Variants in CLN6 observed in about 807,000 individuals in gnomAD.
CLN6 encodes ceroid-lipofuscinosis neuronal protein 6.
In CLN6, 22 loss-of-function variants were observed where a neutral mutation model predicts 33.3. The observed-to-expected ratio is 0.66, with a 90% CI of 0.47 to 0.94. The LOEUF is 0.94. Ranked by LOEUF, CLN6 falls within the 40% of genes least tolerant of loss-of-function variation. The probability of loss-of-function intolerance (pLI) is 0.00; values close to 1 mark genes in which losing one functional copy is unlikely to be tolerated. For synonymous variants in CLN6, 201 were observed against 174.6 expected (o/e 1.15, Z -1.19); for missense variants, 387 against 417.1 (o/e 0.93, Z 0.63).
rs879690049 is a variant in CLN6 at position 68,223,130 on chromosome 15, GA to G, written c.84-4481del. 4.4e-3 allele frequency among the ~76,000 whole-genome samples: 629 copies of G among 143,196 alleles called. 3 individuals carry two copies. The highest frequency in any genetic ancestry group is 0.013 in the East Asian group (66 of 4,942). 93.9% of individuals were successfully genotyped at this position (143,196 alleles called of 152,430 possible). ...CACCCAAGAATGATCAATAAATACT[GA>G]AAAAAAAAAAGAAAAGGATCAGCGT... is the stretch of plus-strand genomic sequence containing the variant. On this transcript the variant is annotated intron_variant, in intron 1 of 6. Transcript: ENST00000249806.
upstream of CLN6, among the ~76,000 whole-genome samples, chr15:68,233,780 C>T (rs1892189798): frequency 6.6e-6 from 1 of 152,210 alleles, no homozygotes; most frequent in Non-Finnish European, 1.5e-5. The surrounding 1 kb of genome is among the most constrained non-coding windows in gnomAD (Gnocchi z 4.3). Flanking sequence ...TAGGGGATCT[C>T]TAAGTGTGGG....
upstream of CLN6, among the ~76,000 whole-genome samples, chr15:68,233,388 C>T (rs889286570): frequency 5.9e-5 from 9 of 152,128 alleles, no homozygotes; most frequent in Non-Finnish European, 1.2e-4. The surrounding 1 kb of genome is among the most constrained non-coding windows in gnomAD (Gnocchi z 4.3). Context: ...AAGGCCGTGG[C>T]CAAGTCACCT....
In CLN6 at chr15:68,241,151, C is replaced by A. The variant is rs1892277187; in HGVS notation, c.179+15539G>T. Reference sequence around the variant, plus strand: ...AAATTTATTAGAAAGGGAAACATTTCTAAAAACATATAACTTATCAAAGCT... The same window carrying A: ...AAATTTATTAGAAAGGGAAACATTTATAAAAACATATAACTTATCAAAGCT... On this transcript the variant is annotated intron_variant, in intron 1 of 6. Transcript: ENST00000538696. The surrounding 1 kb of genome is among the most constrained non-coding windows in gnomAD (Gnocchi z 4.2). Among the ~76,000 whole-genome samples the A allele has an allele frequency of 6.6e-6, 1 of 152,162 alleles. No homozygotes were observed. The highest frequency in any genetic ancestry group is 2.4e-5 in the African/African-American group (1 of 41,444).
At chr15:68,229,972 G>A (rs896307318), upstream of CLN6, among the ~76,000 whole-genome samples, 1 of 152,206 alleles carries the variant, frequency 6.6e-6, no homozygotes, top group African/African-American at 2.4e-5. Context: ...AGGCCTGGGT[G>A]TTGGGCTGGG....
upstream of CLN6, among the ~76,000 whole-genome samples, chr15:68,231,679 T>C (rs2093268900): frequency 6.6e-6 from 1 of 152,256 alleles, no homozygotes; most frequent in Non-Finnish European, 1.5e-5. Context: ...AGGGAGCCTC[T>C]CTAGCTCATT....
upstream of CLN6, among the ~76,000 whole-genome samples, chr15:68,230,146 A>G (rs1167415269): frequency 6.6e-6 from 1 of 152,028 alleles, no homozygotes; most frequent in Non-Finnish European, 1.5e-5. This position sits in a 1 kb window ranked among gnomAD's most constrained non-coding sequence, Gnocchi z 4.0. Context: ...CAGATGTTCT[A>G]GTGAGGGGCT....
chr15:68,249,425 T>G (rs1892355903), intron 1 of CLN6, among the ~76,000 whole-genome samples: 1 of 152,212 alleles, frequency 6.6e-6, no homozygotes, highest in Non-Finnish European at 1.5e-5. Flanking sequence ...TCAACCTAAG[T>G]GCCCATCAAC....
intron 1 of CLN6, among the ~76,000 whole-genome samples, chr15:68,222,542 C>G (rs149407743): frequency 0.16 from 23,918 of 150,372 alleles, 2,491 homozygotes; most frequent in South Asian, 0.32. Flanking sequence ...AAGTGAGGAG[C>G]GCCTCTGCCC....
rs1454340210 is a variant in CLN6, at chr15:68,208,122, G to C, written c.*18C>G. The C allele has an allele frequency of 4.0e-6, 3 of 747,084 alleles. No individual in the cohort carries two copies. The East Asian group carries it at 1.7e-4, about 41-fold the overall frequency. 46.3% of individuals were successfully genotyped at this position (747,084 alleles called of 1,614,324 possible). ...CACCCTCCCACCCAGCAGAGCGCCAGAGCCTGGTGCCAGGGACTCAGTGCC... is the reference window on the plus strand; with the variant it reads ...CACCCTCCCACCCAGCAGAGCGCCACAGCCTGGTGCCAGGGACTCAGTGCC... On this transcript the variant is annotated 3_prime_UTR_variant, in exon 7 of 7. Transcript: ENST00000249806. The surrounding 1 kb of genome is among the most constrained non-coding windows in gnomAD (Gnocchi z 5.8).
rs1194742448 is a variant in CLN6, at chr15:68,228,221, A to C, written c.83+1281T>G. On this transcript the variant is annotated intron_variant, in intron 1 of 6. Transcript: ENST00000249806. This position sits in a 1 kb window ranked among gnomAD's most constrained non-coding sequence, Gnocchi z 4.4. ...TCAGCCCGCATGTCCGCAGCAGCAG[A>C]AACGAGCCATCCCTCACCTCAGCCC... Among the ~76,000 whole-genome samples, 3 of 152,192 alleles carry C rather than the reference A, an allele frequency of 2.0e-5. No homozygotes were observed. Among genetic ancestry groups the C allele is most frequent in the African/African-American group, 4.8e-5 (2 of 41,446 alleles).
chr15:68,253,870 A>T (rs1480448476), intron 1 of CLN6, among the ~76,000 whole-genome samples: 6 of 141,870 alleles, frequency 4.2e-5, no homozygotes, highest in African/African-American at 1.3e-4. Flanking sequence ...ATAAAACTAC[A>T]TTTTTTTTTT....
At position 68,210,359 on chromosome 15, in the gene CLN6, C is replaced by A. The variant is rs1309983525; in HGVS notation, c.543-600G>T. 6.6e-6 allele frequency among the ~76,000 whole-genome samples: 1 copy of A among 152,196 alleles called. No homozygotes were observed. The highest frequency in any genetic ancestry group is 1.5e-5 in the Non-Finnish European group (1 of 68,038). ...CTGCTGGGGCTCCAGCTCTCTGTTCCTAGCCCCTCCACCCTTCCCCAACCT... is the reference window on the plus strand; with the variant it reads ...CTGCTGGGGCTCCAGCTCTCTGTTCATAGCCCCTCCACCCTTCCCCAACCT... On this transcript the variant is annotated intron_variant, in intron 5 of 6. Coordinates refer to ENST00000249806, the MANE Select transcript of CLN6 (RefSeq NM_017882.3). This position sits in a 1 kb window ranked among gnomAD's most constrained non-coding sequence, Gnocchi z 5.6.
At chr15:68,232,952 G>A (rs1298357884), upstream of CLN6, among the ~76,000 whole-genome samples, 2 of 152,154 alleles carry the variant, frequency 1.3e-5, no homozygotes, top group East Asian at 1.9e-4. The surrounding 1 kb of genome is among the most constrained non-coding windows in gnomAD (Gnocchi z 4.7). Context: ...TGAGGCAGGA[G>A]AAATTGCATG....
At chr15:68,231,605 G>A (rs2093268755), upstream of CLN6, among the ~76,000 whole-genome samples, 1 of 152,270 alleles carries the variant, frequency 6.6e-6, no homozygotes, top group Admixed American at 6.5e-5. Flanking sequence ...TGCCCATGAT[G>A]TCATCATCGA....
At chr15:68,233,949 CTG>C (rs1324419117), upstream of CLN6, among the ~76,000 whole-genome samples, 1 of 152,184 alleles carries the variant, frequency 6.6e-6, no homozygotes, top group Non-Finnish European at 1.5e-5. The surrounding 1 kb of genome is among the most constrained non-coding windows in gnomAD (Gnocchi z 4.3). Context: ...AGAAGTCACA[CTG>C]TGGGGAGAGA....
In CLN6 at chr15:68,209,800, GC is replaced by G. The variant is rs2093199536; in HGVS notation, c.543-42del. On this transcript the variant is annotated intron_variant, in intron 5 of 6. Transcript: ENST00000249806. This position sits in a 1 kb window ranked among gnomAD's most constrained non-coding sequence, Gnocchi z 4.9. Reference sequence around the variant, plus strand: ...CAGTGTCTTAGAGGCCTGCTCAGCGGCCCTCTTCCCCACAACCTCTGCAACC... The same window carrying G: ...CAGTGTCTTAGAGGCCTGCTCAGCGGCCTCTTCCCCACAACCTCTGCAACC... The G allele has an allele frequency of 6.2e-7, 1 of 1,609,268 alleles. No homozygotes were observed. Among genetic ancestry groups the G allele is most frequent in the Admixed American group, 1.7e-5 (1 of 59,888 alleles).
At chr15:68,230,902 G>C (rs888613756), upstream of CLN6, among the ~76,000 whole-genome samples, 2 of 152,034 alleles carry the variant, frequency 1.3e-5, no homozygotes, top group Non-Finnish European at 2.9e-5. This position sits in a 1 kb window ranked among gnomAD's most constrained non-coding sequence, Gnocchi z 4.0. Context: ...TACACCAGGC[G>C]CACACGACAT....
rs1175378302 is a variant in CLN6, at chr15:68,256,524, T to C, written c.179+166A>G. Among the ~76,000 whole-genome samples, 1 of 152,154 alleles carries C rather than the reference T, an allele frequency of 6.6e-6. No homozygotes were observed. On this transcript the variant is annotated intron_variant, in intron 1 of 6. Transcript: ENST00000538696. The surrounding 1 kb of genome is among the most constrained non-coding windows in gnomAD (Gnocchi z 4.1). ...CGTTATTACCAATACAATACTTGTG[T>C]TATAGCACTCCTGTATCACAGTATT...
chr15:68,255,379 C>T (rs1209356257), intron 1 of CLN6, among the ~76,000 whole-genome samples: 1 of 148,424 alleles, frequency 6.7e-6, no homozygotes, highest in Non-Finnish European at 1.5e-5. Context: ...AGATGGAACC[C>T]CTCAAAAAAG....
Sources: allele counts gnomAD v4.1 joint callset (sites outside exome capture counted in the v4.1 genomes callset), GRCh38; gene constraint gnomAD v4.1.1; non-coding constraint Gnocchi (gnomAD v3.1); transcripts MANE v1.5; gene names NCBI Gene and HGNC (gene_info 2026-07-23, HGNC 2026-07-21).